The following SGPP2 variants were observed in gnomAD, a reference collection of about 807,000 sequenced individuals.
The protein encoded by SGPP2 is sphingosine-1-phosphate phosphatase 2.
A neutral mutation model predicts 33.9 loss-of-function variants in SGPP2; 30 were observed. The observed-to-expected ratio is 0.89, with a 90% CI of 0.66 to 1.20. The LOEUF (loss-of-function observed/expected upper bound fraction) is 1.20. SGPP2 is among the 50% of genes most tolerant of loss of function. The pLI is 0.00. For missense variants in SGPP2, 458 were observed against 532.1 expected (o/e 0.86, Z 1.37); for synonymous variants, 233 against 225.0 (o/e 1.04, Z -0.32).
intron 4 of SGPP2, among the ~76,000 whole-genome samples, chr2:222,547,628 T>C (rs1263331696): frequency 6.6e-6 from 1 of 152,114 alleles, no homozygotes; most frequent in Non-Finnish European, 1.5e-5. Context: ...TATACTATTA[T>C]ATTATCACAT....
chr2:222,467,804 G>C (rs1697768272), intron 1 of SGPP2, among the ~76,000 whole-genome samples: 1 of 151,464 alleles, frequency 6.6e-6, no homozygotes, highest in Non-Finnish European at 1.5e-5. Context: ...CAGAGAACAA[G>C]CTCTTTCTGC....
chr2:222,539,747 T>C (rs1698964100), intron 4 of SGPP2, among the ~76,000 whole-genome samples: 2 of 152,238 alleles, frequency 1.3e-5, no homozygotes, highest in Non-Finnish European at 2.9e-5. Context: ...GGCATCAAAC[T>C]GGTAGAACCT....
chr2:222,549,016 T>C (rs1195524130), intron 4 of SGPP2, among the ~76,000 whole-genome samples: 1 of 152,234 alleles, frequency 6.6e-6, no homozygotes, highest in African/African-American at 2.4e-5. Context: ...AGTGTCTGCT[T>C]GCCTACAAAG....
intron 1 of SGPP2, among the ~76,000 whole-genome samples, chr2:222,464,239 G>A (rs534735709): frequency 6.6e-6 from 1 of 152,246 alleles, no homozygotes; most frequent in Non-Finnish European, 1.5e-5. Context: ...ATTATTTAAA[G>A]GGCAGCTGGC....
rs576756826 is a variant in SGPP2 at position 222,558,003 on chromosome 2, G to T, written c.649-344G>T. Among the ~76,000 whole-genome samples the T allele has an allele frequency of 4.6e-5, 7 of 152,270 alleles. No homozygotes were observed. The East Asian group carries it at 1.3e-3, about 29-fold the overall frequency. ...GGATGGTGACACCTCGGTGAAGACG[G>T]TGACAGTATTTGTGATATAAGTGTC... On this transcript the variant is annotated intron_variant, in intron 4 of 4. Coordinates refer to ENST00000321276, the MANE Select transcript of SGPP2 (RefSeq NM_152386.4).
intron 2 of SGPP2, among the ~76,000 whole-genome samples, chr2:222,516,325 G>A (rs1698602658): frequency 6.6e-6 from 1 of 152,098 alleles, no homozygotes. Flanking sequence ...ATTATTTTGA[G>A]ATTCATCCAC....
intron 2 of SGPP2, among the ~76,000 whole-genome samples, chr2:222,517,754 G>A (rs1471935366): frequency 6.6e-6 from 1 of 152,190 alleles, no homozygotes; most frequent in Non-Finnish European, 1.5e-5. Flanking sequence ...CCTGCACCCT[G>A]CCCGTCTGTG....
At chr2:222,497,723 C>T (rs1269880147) in intron 2 of SGPP2, among the ~76,000 whole-genome samples, 1 of 152,230 alleles carries the variant, frequency 6.6e-6, no homozygotes, top group Non-Finnish European at 1.5e-5. Flanking sequence ...AAGACAGACT[C>T]CATCCTGCTC....
chr2:222,553,436 A>G (rs1689331572), intron 4 of SGPP2, among the ~76,000 whole-genome samples: 1 of 152,116 alleles, frequency 6.6e-6, no homozygotes, highest in Non-Finnish European at 1.5e-5. Flanking sequence ...GGTTAATGAA[A>G]CCCATGTCAT....
rs1001162412 is a variant in SGPP2 at position 222,561,897 on chromosome 2, C to G, written c.*2999C>G. ...CTAGCCCTCTTCCATTCATTTCTCA[C>G]ACAGCACTTTGCTCTGTTAAATCCT... On this transcript the variant is annotated 3_prime_UTR_variant, in exon 5 of 5. Transcript: ENST00000321276. Among the ~76,000 whole-genome samples, 3 of 149,840 alleles carry G rather than the reference C, an allele frequency of 2.0e-5. No homozygotes were observed. In the East Asian group the frequency reaches 5.8e-4, roughly 29 times the overall value.
intron 1 of SGPP2, chr2:222,452,779 G>T: frequency 6.6e-7 from 1 of 1,512,120 alleles, no homozygotes; most frequent in South Asian, 1.1e-5. Flanking sequence ...GAAGAGTAGA[G>T]GCTGGGGTAG....
intron 4 of SGPP2, among the ~76,000 whole-genome samples, chr2:222,531,661 T>C (rs1304925351): frequency 6.6e-6 from 1 of 152,182 alleles, no homozygotes; most frequent in Admixed American, 6.5e-5. Flanking sequence ...TATTTTAAAA[T>C]AGTTAAGGTG....
chr2:222,558,296 T>C (rs927223070), intron 4 of SGPP2, 51 bp from the exon 5 acceptor site: 33 of 1,576,940 alleles, frequency 2.1e-5, no homozygotes, highest in Non-Finnish European at 2.8e-5. Flanking sequence ...TATACCTGTA[T>C]ACAAGGAAAC....
chr2:222,445,598 G>A (rs144572648), intron 1 of SGPP2, among the ~76,000 whole-genome samples: 61 of 152,278 alleles, frequency 4.0e-4, no homozygotes, highest in Middle Eastern at 6.8e-3. Flanking sequence ...GGATGACCCC[G>A]TCTAATGCTC....
chr2:222,558,881 T>C lies in SGPP2; in HGVS notation c.1183T>C (p.Phe395Leu). 6.2e-7 allele frequency: 1 copy of C among 1,607,106 alleles called. No homozygotes were observed. The highest frequency in any genetic ancestry group is 2.2e-5 in the East Asian group (1 of 44,624). Residue 395 changes from phenylalanine (F) to leucine (L), a missense_variant, in exon 5 of 5, where the codon TTT (phenylalanine) becomes CTT (leucine). Phe to Leu is a conservative substitution (Grantham distance 22). Coordinates refer to ENST00000321276, the MANE Select transcript of SGPP2 (RefSeq NM_152386.4). Reference protein sequence around the residue: ...ATTFVPMLHRFLGLP With the variant: ...ATTFVPMLHRLLGLP ...AACCTTTGTGCCGATGCTTCACAGG[T>C]TTCTGGGATTACCCTGAGTCTCAAA...
chr2:222,500,470 T>C (rs1354077130), intron 2 of SGPP2, among the ~76,000 whole-genome samples: 2 of 152,222 alleles, frequency 1.3e-5, no homozygotes, highest in Non-Finnish European at 2.9e-5. Context: ...ACTTTGGACT[T>C]AGTTTGCCAC....
intron 4 of SGPP2, among the ~76,000 whole-genome samples, chr2:222,548,358 T>C (rs1226156229): frequency 6.6e-6 from 1 of 152,256 alleles, no homozygotes; most frequent in Non-Finnish European, 1.5e-5. Context: ...ATATGCTCAC[T>C]TTCCAAGTGG....
chr2:222,481,360 GAATT>G (rs1209982276), intron 2 of SGPP2, among the ~76,000 whole-genome samples: 7 of 152,124 alleles, frequency 4.6e-5, no homozygotes, highest in African/African-American at 1.7e-4. Context: ...TAACTTGTAT[GAATT>G]GTCAGTCTGC....
chr2:222,551,281 C>T (rs972777442), intron 4 of SGPP2, among the ~76,000 whole-genome samples: 2 of 152,122 alleles, frequency 1.3e-5, no homozygotes, highest in Non-Finnish European at 2.9e-5. Context: ...CCTGTAGAAC[C>T]GTGAACCGTT....
Sources: allele counts gnomAD v4.1 joint callset (sites outside exome capture counted in the v4.1 genomes callset), GRCh38; gene constraint gnomAD v4.1.1; transcripts MANE v1.5; gene names NCBI Gene and HGNC (gene_info 2026-07-23, HGNC 2026-07-21).